The following CNIH4 variants were observed in gnomAD, a reference collection of about 807,000 sequenced individuals.
The protein encoded by CNIH4 is protein cornichon homolog 4.
Under a neutral mutation model 21.5 loss-of-function variants are expected in CNIH4, and 9 were observed. That is an observed-to-expected ratio of 0.42 (90% CI 0.25 to 0.73). CNIH4 has a LOEUF of 0.73. Ranked by LOEUF, CNIH4 falls within the 30% of genes least tolerant of loss-of-function variation. The pLI is 0.27. For synonymous variants in CNIH4, 67 were observed against 59.1 expected (o/e 1.13, Z -0.61); for missense variants, 159 against 170.0 (o/e 0.94, Z 0.36).
rs756893076 is a variant in CNIH4 at position 224,356,885 on chromosome 1, G to C, written c.-40G>C. The C allele has an allele frequency of 2.6e-6, 4 of 1,562,156 alleles. No homozygotes were observed. In the Admixed American group the frequency reaches 7.3e-5, roughly 28 times the overall value. Reference sequence around the variant, plus strand: ...ATCAGGGGTGGGTCGGGGCATCCGAGCGGGTTTGACGGAAGGAGCGGCGGC... The same window carrying C: ...ATCAGGGGTGGGTCGGGGCATCCGACCGGGTTTGACGGAAGGAGCGGCGGC... On this transcript the variant is annotated 5_prime_UTR_variant, in exon 1 of 5. Transcript: ENST00000465271.
At position 224,371,349 on chromosome 1, in the gene CNIH4, G is replaced by A. The variant is rs766928434; in HGVS notation, c.318G>A (p.Gln106=). 3 of 1,614,114 alleles carry A rather than the reference G, an allele frequency of 1.9e-6. No individual in the cohort carries two copies. The highest frequency in any genetic ancestry group is 1.7e-5 in the Admixed American group (1 of 60,014). ...CAACAGAAATACACAATCGAGGGCAGCTGAAGTCACACATGAAAGAAGCCA... is the reference window on the plus strand; with the variant it reads ...CAACAGAAATACACAATCGAGGGCAACTGAAGTCACACATGAAAGAAGCCA... ...FDPTEIHNRG[Q]LKSHMKEAMI... Residue 106 remains glutamine (Q), a synonymous_variant, in exon 4 of 5, where the codon CAG becomes CAA. Transcript: ENST00000465271.
At chr1:224,364,314 C>G in intron 2 of CNIH4, 1 of 985,346 alleles carries the variant, frequency 1.0e-6, no homozygotes, top group Non-Finnish European at 1.2e-6. Flanking sequence ...AGTAAGAAAT[C>G]CAGAGACTGA....
chr1:224,362,488 T>G (rs1266537488), intron 2 of CNIH4, among the ~76,000 whole-genome samples: 1 of 248 alleles, frequency 4.0e-3, no homozygotes, highest in Non-Finnish European at 0.012. Context: ...CGCTGTGTAC[T>G]TTTTTTTTTT....
chr1:224,356,993 C>T lies in CNIH4; in HGVS notation c.69C>T (p.Phe23=). ...CGCTCATCTTCCTCTCGGTCTACTT[C>T]GTATCCTTGCCTGAGGCAGGCGAAC... ...CCALIFLSVY[F]IITLSDLECD... Residue 23 remains phenylalanine (F), a splice_region_variant and synonymous_variant, in exon 1 of 5, where the codon TTC becomes TTT. Transcript: ENST00000465271. 2 of 1,610,984 alleles carry T rather than the reference C, an allele frequency of 1.2e-6. No individual in the cohort carries two copies. The highest frequency in any genetic ancestry group is 2.2e-5 in the East Asian group (1 of 44,796).
chr1:224,373,863 ACTGG>A (rs1672706561), intron 4 of CNIH4, among the ~76,000 whole-genome samples: 1 of 152,052 alleles, frequency 6.6e-6, no homozygotes, highest in Admixed American at 6.6e-5. Context: ...GGGGAGTTGG[ACTGG>A]AGGAATTAAG....
Position 224,356,965 on chromosome 1 carries a change from G to T in CNIH4, c.41G>T (p.Cys14Phe). Residue 14 changes from cysteine (C) to phenylalanine (F), a missense_variant, in exon 1 of 5, where the codon TGC (cysteine) becomes TTC (phenylalanine). Physicochemically the swap from Cys to Phe is radical, Grantham distance 205 (BLOSUM62 -2). Coordinates refer to ENST00000465271, the MANE Select transcript of CNIH4 (RefSeq NM_014184.4). ...VVFVFSLLDC[C>F]ALIFLSVYFI... is the part of the protein sequence containing the mutation. ...TTCGTCTTCTCTCTCCTCGATTGTT[G>T]CGCGCTCATCTTCCTCTCGGTCTAC... 5.6e-6 allele frequency: 9 copies of T among 1,612,698 alleles called. No individual in the cohort carries two copies. Among genetic ancestry groups the T allele is most frequent in the Admixed American group, 5.0e-5 (3 of 59,844 alleles).
At chr1:224,357,699 A>C (rs757816271) in intron 1 of CNIH4, 1 of 152,238 alleles carries the variant, frequency 6.6e-6, no homozygotes, top group Non-Finnish European at 1.5e-5. Context: ...TGTAAATTCA[A>C]TAACTACATC....
intron 2 of CNIH4, among the ~76,000 whole-genome samples, chr1:224,365,372 A>G (rs181796536): frequency 6.6e-6 from 1 of 152,320 alleles, no homozygotes; most frequent in East Asian, 1.9e-4. Context: ...CTTCATTATC[A>G]TATTTGGTCA....
intron 2 of CNIH4, among the ~76,000 whole-genome samples, chr1:224,365,517 T>C (rs1281723161): frequency 6.6e-6 from 1 of 152,240 alleles, no homozygotes; most frequent in African/African-American, 2.4e-5. Flanking sequence ...GCAACATGTG[T>C]GTGGATATCA....
chr1:224,358,949 T>C (rs1672193825), intron 1 of CNIH4, among the ~76,000 whole-genome samples: 1 of 152,204 alleles, frequency 6.6e-6, no homozygotes, highest in African/African-American at 2.4e-5. Context: ...AGACTTAATA[T>C]AGGATATAAG....
At position 224,377,215 on chromosome 1, in the gene CNIH4, G is replaced by A. The variant is rs1672802922; in HGVS notation, c.*1393G>A. ...AACTTGGCTCTGCTGGCCTCTTTGG[G>A]GTCACAGAAATTGCTCCTTGTGGTA... On this transcript the variant is annotated 3_prime_UTR_variant, in exon 5 of 5. Coordinates refer to ENST00000465271, the MANE Select transcript of CNIH4 (RefSeq NM_014184.4). 1 of 152,246 alleles carries A rather than the reference G, an allele frequency of 6.6e-6. No individual in the cohort carries two copies. Among genetic ancestry groups the A allele is most frequent in the African/African-American group, 2.4e-5 (1 of 41,424 alleles). 9.4% of individuals were successfully genotyped at this position (152,246 alleles called of 1,614,324 possible).
At chr1:224,371,193 A>G (rs1222152143) in intron 3 of CNIH4, 90 bp from the exon 4 acceptor site, 4 of 1,400,702 alleles carry the variant, frequency 2.9e-6, no homozygotes, top group Non-Finnish European at 3.9e-6. Context: ...GTTCACTTTT[A>G]AAAGTCGATT....
At chr1:224,365,773 C>T in intron 2 of CNIH4, 106 bp from the exon 3 acceptor site, 1 of 773,582 alleles carries the variant, frequency 1.3e-6, no homozygotes, top group East Asian at 2.5e-5. Flanking sequence ...AATCTTGAAA[C>T]AGTAGCTTGT....
Position 224,376,916 on chromosome 1 carries a change from A to G in CNIH4, c.*1094A>G, listed in dbSNP as rs893908647. ...GTTTGTGGTTTAATGTTGCTATCTT[A>G]AGCACTGGCATTTGGGCAAAACATG... is the stretch of plus-strand genomic sequence containing the variant. On this transcript the variant is annotated 3_prime_UTR_variant, in exon 5 of 5. Coordinates refer to ENST00000465271, the MANE Select transcript of CNIH4 (RefSeq NM_014184.4). 2.0e-6 allele frequency: 2 copies of G among 985,274 alleles called. No individual in the cohort carries two copies. The highest frequency in any genetic ancestry group is 6.1e-5 in the Admixed American group (1 of 16,270). 61.0% of individuals were successfully genotyped at this position (985,274 alleles called of 1,614,324 possible). A position where few individuals can be genotyped will look rare whatever the true frequency, so the allele number is the denominator to read the frequency against.
chr1:224,365,383 A>G (rs1672421586), intron 2 of CNIH4, among the ~76,000 whole-genome samples: 1 of 152,198 alleles, frequency 6.6e-6, no homozygotes, highest in South Asian at 2.1e-4. Context: ...TATTTGGTCA[A>G]CTTTGAGCTA....
chr1:224,366,569 A>G (rs1258288536), intron 3 of CNIH4, among the ~76,000 whole-genome samples: 2 of 151,550 alleles, frequency 1.3e-5, no homozygotes, highest in African/African-American at 2.4e-5. Context: ...GGCTGGTCTC[A>G]AACTCCTGAC....
In CNIH4 at chr1:224,379,003, C is replaced by G; in HGVS notation, c.*3181C>G. ...CAGGGCCCGGTCCATAGACTACTATCGAGTGCTCCTATGTGCATCTTAGTA... is the reference window on the plus strand; with the variant it reads ...CAGGGCCCGGTCCATAGACTACTATGGAGTGCTCCTATGTGCATCTTAGTA... On this transcript the variant is annotated 3_prime_UTR_variant, in exon 5 of 5. Transcript: ENST00000465271. 2.0e-5 allele frequency: 30 copies of G among 1,481,426 alleles called. No individual in the cohort carries two copies. The highest frequency in any genetic ancestry group is 2.7e-5 in the Non-Finnish European group (29 of 1,083,906). 91.8% of individuals were successfully genotyped at this position (1,481,426 alleles called of 1,614,324 possible).
In CNIH4 at chr1:224,371,323, C is replaced by T. The variant is rs887392884; in HGVS notation, c.292C>T (p.Pro98Ser). ...GAGTGGTAACATGGGAGTGTTTGATCCAACAGAAATACACAATCGAGGGCA... is the reference window on the plus strand; with the variant it reads ...GAGTGGTAACATGGGAGTGTTTGATTCAACAGAAATACACAATCGAGGGCA... ...VPSGNMGVFDPTEIHNRGQLK... is the reference protein window; with the variant it reads ...VPSGNMGVFDSTEIHNRGQLK... The change falls in exon 4 of 5, where the codon CCA (proline) becomes TCA (serine). Residue 98 changes from proline to serine, a missense_variant. Transcript: ENST00000465271. The T allele has an allele frequency of 6.2e-7, 1 of 1,613,836 alleles. No homozygotes were observed. Among genetic ancestry groups the T allele is most frequent in the Non-Finnish European group, 8.5e-7 (1 of 1,179,950 alleles).
intron 3 of CNIH4, among the ~76,000 whole-genome samples, chr1:224,367,524 ATT>A (rs770314664): frequency 6.3e-5 from 9 of 142,880 alleles, no homozygotes; most frequent in African/African-American, 7.7e-5. Context: ...TGGGTTCTGA[ATT>A]TTTTTTTTTT....
Sources: allele counts gnomAD v4.1 joint callset (sites outside exome capture counted in the v4.1 genomes callset), GRCh38; gene constraint gnomAD v4.1.1; transcripts MANE v1.5; gene names NCBI Gene and HGNC (gene_info 2026-07-23, HGNC 2026-07-21).